TCF7L1: variants seen among roughly 807,000 people sequenced by gnomAD.
TCF7L1 encodes transcription factor 7-like 1.
Under a neutral mutation model 63.7 loss-of-function variants are expected in TCF7L1, and 18 were observed. The ratio of observed to expected loss-of-function variants is 0.28; its 90% CI spans 0.20 to 0.42. TCF7L1 has a LOEUF of 0.42. TCF7L1 is among the 10% of genes least tolerant of loss of function. The pLI is 1.00. For synonymous variants in TCF7L1, 355 were observed against 340.9 expected (o/e 1.04, Z -0.46); for missense variants, 654 against 779.3 (o/e 0.84, Z 1.91).
intron 4 of TCF7L1, among the ~76,000 whole-genome samples, chr2:85,300,433 C>T (rs963690172): frequency 2.6e-5 from 4 of 152,164 alleles, no homozygotes; most frequent in African/African-American, 9.7e-5. Flanking sequence ...CAGGTGAAAA[C>T]AGTAAGAAGA....
At chr2:85,307,982 A>G (rs1304538471) in intron 11 of TCF7L1, among the ~76,000 whole-genome samples, 1 of 152,176 alleles carries the variant, frequency 6.6e-6, no homozygotes, top group Admixed American at 6.5e-5. Context: ...TCCATTGAAA[A>G]GTGAATCATC....
chr2:85,140,185 G>T (rs1225167980), intron 3 of TCF7L1, among the ~76,000 whole-genome samples: 14 of 152,132 alleles, frequency 9.2e-5, no homozygotes, highest in Admixed American at 9.2e-4. Flanking sequence ...TGGGTGGGGA[G>T]GCCTCCCCAG....
chr2:85,175,370 C>T (rs17025989), intron 3 of TCF7L1, among the ~76,000 whole-genome samples: 6,254 of 152,316 alleles, frequency 0.041, 133 homozygotes, highest in Middle Eastern at 0.082. Context: ...TCCTTTCTGA[C>T]CATGCCTAGC....
At chr2:85,289,834 G>C (rs1681647012) in intron 4 of TCF7L1, among the ~76,000 whole-genome samples, 1 of 151,952 alleles carries the variant, frequency 6.6e-6, no homozygotes, top group Non-Finnish European at 1.5e-5. Flanking sequence ...ACCACGCCCA[G>C]CTAATTTTTT....
chr2:85,148,854 A>G (rs536021060), intron 3 of TCF7L1, among the ~76,000 whole-genome samples: 11 of 149,818 alleles, frequency 7.3e-5, no homozygotes, highest in African/African-American at 2.2e-4. Context: ...GCTCACTGCA[A>G]CCTCTGCCCC....
At chr2:85,288,533 G>T (rs751777434) in intron 4 of TCF7L1, among the ~76,000 whole-genome samples, 84 of 152,196 alleles carry the variant, frequency 5.5e-4, no homozygotes, top group Non-Finnish European at 7.2e-4. Flanking sequence ...TTTAGAGTCA[G>T]GAGTAAAATA....
At chr2:85,215,171 T>G (rs1572995174) in intron 3 of TCF7L1, among the ~76,000 whole-genome samples, 2 of 152,324 alleles carry the variant, frequency 1.3e-5, no homozygotes, top group South Asian at 4.1e-4. Flanking sequence ...CGGGACCTTC[T>G]GAAAAACAGT....
intron 3 of TCF7L1, among the ~76,000 whole-genome samples, chr2:85,141,793 G>A (rs374112348): frequency 6.6e-6 from 1 of 152,162 alleles, no homozygotes; most frequent in East Asian, 1.9e-4. Context: ...CTTTAAAGAC[G>A]AGCCCAAGAC....
At chr2:85,165,920 ATTC>A (rs1199844430) in intron 3 of TCF7L1, among the ~76,000 whole-genome samples, 1 of 152,138 alleles carries the variant, frequency 6.6e-6, no homozygotes, top group Non-Finnish European at 1.5e-5. Context: ...AGCCCTCACC[ATTC>A]TTCATGTTTT....
chr2:85,295,775 CTT>C (rs56373561), intron 4 of TCF7L1, among the ~76,000 whole-genome samples: 5 of 100,874 alleles, frequency 5.0e-5, no homozygotes, highest in African/African-American at 1.2e-4. Context: ...GTAACATTTA[CTT>C]TTTTTTTTTT....
chr2:85,273,776 C>T (rs1681209097), intron 3 of TCF7L1, among the ~76,000 whole-genome samples: 2 of 152,162 alleles, frequency 1.3e-5, no homozygotes, highest in Non-Finnish European at 2.9e-5. Context: ...GTTATGGCAC[C>T]TCCTGTAACC....
At chr2:85,272,563 G>A (rs1226967104) in intron 3 of TCF7L1, among the ~76,000 whole-genome samples, 3 of 152,012 alleles carry the variant, frequency 2.0e-5, no homozygotes, top group African/African-American at 4.8e-5. Flanking sequence ...GGAGGCTAAG[G>A]CGAAAGGATC....
chr2:85,242,824 T>C (rs570133389), intron 3 of TCF7L1, among the ~76,000 whole-genome samples: 1 of 152,330 alleles, frequency 6.6e-6, no homozygotes, highest in East Asian at 1.9e-4. Flanking sequence ...TATCCCCTTT[T>C]CTCTGCCTCC....
At position 85,310,297 on chromosome 2, in the gene TCF7L1, T is replaced by C. The variant is rs1460530946; in HGVS notation, c.*835T>C. The C allele has an allele frequency of 6.6e-6, 1 of 152,614 alleles. No individual in the cohort carries two copies. Among genetic ancestry groups the C allele is most frequent in the Non-Finnish European group, 1.5e-5 (1 of 68,038 alleles). The allele number at this position is 152,614 out of a possible 1,614,324, so 9.5% of individuals were successfully genotyped here. The stretch of plus-strand genomic sequence containing the variant: ...ACCTCACATGCTTCTTCTGTGTGTA[T>C]TTCTTTTTGTTTTTATGGTTTTTGG... On this transcript the variant is annotated 3_prime_UTR_variant, in exon 12 of 12. Transcript: ENST00000282111.
At chr2:85,278,967 A>G (rs1681348680) in intron 3 of TCF7L1, among the ~76,000 whole-genome samples, 1 of 152,220 alleles carries the variant, frequency 6.6e-6, no homozygotes, top group Admixed American at 6.5e-5. Flanking sequence ...CACCATTTCA[A>G]TGTGTTACAT....
At chr2:85,254,191 C>A (rs915417099) in intron 3 of TCF7L1, among the ~76,000 whole-genome samples, 5 of 152,266 alleles carry the variant, frequency 3.3e-5, no homozygotes, top group Admixed American at 2.6e-4. Context: ...AAACCATCGG[C>A]CCCGCTCAAA....
At chr2:85,162,192 G>T (rs1190817872) in intron 3 of TCF7L1, among the ~76,000 whole-genome samples, 1 of 152,028 alleles carries the variant, frequency 6.6e-6, no homozygotes, top group African/African-American at 2.4e-5. Context: ...GTATGATTAC[G>T]CCACTGCACC....
chr2:85,263,814 A>T (rs1227647545), intron 3 of TCF7L1, among the ~76,000 whole-genome samples: 8 of 152,248 alleles, frequency 5.3e-5, no homozygotes. Context: ...CTACCCAGAG[A>T]ACACCAGCTT....
intron 3 of TCF7L1, among the ~76,000 whole-genome samples, chr2:85,268,428 G>A (rs1681061799): frequency 6.6e-6 from 1 of 151,010 alleles, no homozygotes; most frequent in Non-Finnish European, 1.5e-5. Flanking sequence ...GATATGCTGT[G>A]CTTAAGGCCG....
Sources: allele counts gnomAD v4.1 joint callset (sites outside exome capture counted in the v4.1 genomes callset), GRCh38; gene constraint gnomAD v4.1.1; transcripts MANE v1.5; gene names NCBI Gene and HGNC (gene_info 2026-07-23, HGNC 2026-07-21).